CDC42BPA: variants seen among roughly 807,000 people sequenced by gnomAD.
The protein encoded by CDC42BPA is serine/threonine-protein kinase MRCK alpha.
Under a neutral mutation model 223.5 loss-of-function variants are expected in CDC42BPA, and 80 were observed. The observed-to-expected ratio is 0.36, with a 90% CI of 0.30 to 0.43. The LOEUF (loss-of-function observed/expected upper bound fraction) is 0.43. Ranked by LOEUF, CDC42BPA falls within the 20% of genes least tolerant of loss-of-function variation. The pLI, the probability that CDC42BPA is intolerant of heterozygous loss-of-function variation, is 1.00. For missense variants in CDC42BPA, 1,743 were observed against 2,099.9 expected (o/e 0.83, Z 3.32); for synonymous variants, 694 against 718.6 (o/e 0.97, Z 0.55).
chr1:227,262,884 T>C (rs1414543628), intron 1 of CDC42BPA, among the ~76,000 whole-genome samples: 2 of 152,208 alleles, frequency 1.3e-5, no homozygotes, highest in Non-Finnish European at 2.9e-5. Context: ...GCAACTTTAA[T>C]CACAAAGAGT....
rs186541139 is a variant in CDC42BPA at position 227,130,220 on chromosome 1, C to T, written c.1391-989G>A. On this transcript the variant is annotated intron_variant, in intron 10 of 36. Coordinates refer to ENST00000366766, the MANE Select transcript of CDC42BPA (RefSeq NM_001394014.1). ...GGAGGGATTCTCACATAATAAGTCTCTCCCTTACCATAATTCTTTATGAGT... is the reference window on the plus strand; with the variant it reads ...GGAGGGATTCTCACATAATAAGTCTTTCCCTTACCATAATTCTTTATGAGT... 6.0e-3 allele frequency among the ~76,000 whole-genome samples: 909 copies of T among 152,238 alleles called. 10 individuals are homozygous for T. Among genetic ancestry groups the T allele is most frequent in the African/African-American group, 0.021 (856 of 41,544 alleles).
chr1:227,301,351 AG>A (rs1158680808), intron 1 of CDC42BPA, among the ~76,000 whole-genome samples: 1 of 150,204 alleles, frequency 6.7e-6, no homozygotes, highest in African/African-American at 2.5e-5. Context: ...GTAGGAGTAA[AG>A]GATGTAGACA....
chr1:227,141,413 T>A (rs1482003658), intron 9 of CDC42BPA, among the ~76,000 whole-genome samples: 1 of 151,962 alleles, frequency 6.6e-6, no homozygotes, highest in Non-Finnish European at 1.5e-5. Flanking sequence ...AAGAAAAAAA[T>A]TCATGACATG....
chr1:227,151,207 T>C (rs1661689053), intron 6 of CDC42BPA, among the ~76,000 whole-genome samples: 1 of 152,196 alleles, frequency 6.6e-6, no homozygotes, highest in Admixed American at 6.5e-5. Context: ...TTTGTTTCTT[T>C]GAACTTGATT....
chr1:227,047,001 TTTTA>T (rs1672585890), intron 23 of CDC42BPA, among the ~76,000 whole-genome samples: 1 of 152,152 alleles, frequency 6.6e-6, no homozygotes, highest in African/African-American at 2.4e-5. Context: ...ATATTTTTCC[TTTTA>T]TTTATAAACC....
intron 10 of CDC42BPA, among the ~76,000 whole-genome samples, chr1:227,129,443 G>A (rs1259752890): frequency 6.6e-6 from 1 of 151,776 alleles, no homozygotes; most frequent in Admixed American, 6.6e-5. Flanking sequence ...CAAAGTGGGA[G>A]GATCACTTGA....
intron 21 of CDC42BPA, among the ~76,000 whole-genome samples, chr1:227,055,134 T>G (rs1674289045): frequency 6.6e-6 from 1 of 151,974 alleles, no homozygotes; most frequent in African/African-American, 2.4e-5. Context: ...GGACAAAGCT[T>G]GGTAAAGGTG....
intron 6 of CDC42BPA, among the ~76,000 whole-genome samples, chr1:227,153,102 T>C (rs1015176738): frequency 6.6e-6 from 1 of 151,794 alleles, no homozygotes; most frequent in African/African-American, 2.4e-5. Flanking sequence ...AGTTAACACA[T>C]TTACCATCAT....
At chr1:227,168,526 C>T (rs1665530314) in intron 5 of CDC42BPA, among the ~76,000 whole-genome samples, 2 of 16,378 alleles carry the variant, frequency 1.2e-4, no homozygotes, top group Admixed American at 5.0e-4. Flanking sequence ...GGCAGAGTCT[C>T]GCTCTGTCAC....
intron 20 of CDC42BPA, 64 bp downstream of exon 20, chr1:227,072,144 T>C: frequency 4.5e-6 from 4 of 896,998 alleles, no homozygotes; most frequent in Non-Finnish European, 6.9e-6. Context: ...TTGATTCTTC[T>C]GTAATAAAAT....
intron 35 of CDC42BPA, among the ~76,000 whole-genome samples, chr1:227,003,547 C>T (rs562845490): frequency 1.3e-4 from 20 of 152,170 alleles, no homozygotes; most frequent in Admixed American, 1.0e-3. Flanking sequence ...GTGAATTTGA[C>T]GGGAGTAAAA....
intron 1 of CDC42BPA, among the ~76,000 whole-genome samples, chr1:227,256,938 TATATATACAGAC>T (rs1291772006): frequency 7.9e-4 from 95 of 120,084 alleles, no homozygotes; most frequent in African/African-American, 2.6e-3. Flanking sequence ...AAATGTGATA[TATATATACAGAC>T]ACACACACAC....
intron 23 of CDC42BPA, among the ~76,000 whole-genome samples, chr1:227,043,568 CTAAGT>C (rs1225510653): frequency 6.6e-6 from 1 of 151,866 alleles, no homozygotes; most frequent in African/African-American, 2.4e-5. Context: ...GTGCAACAAA[CTAAGT>C]TAATATTTAA....
chr1:227,074,200 T>G (rs926767300), intron 18 of CDC42BPA, 59 bp downstream of exon 18: 10 of 1,423,446 alleles, frequency 7.0e-6, no homozygotes, highest in Non-Finnish European at 9.8e-6. Context: ...TATTATAGTG[T>G]TTTTTAAATC....
chr1:226,994,387 G>C lies in CDC42BPA; in HGVS notation c.5146C>G (p.Pro1716Ala). The part of the protein sequence containing the change: ...RDFDGEDSDS[P>A]RHSTASNSSN... The stretch of plus-strand genomic sequence containing the variant: ...CTGTTGGAAGCTGTGGAATGCCTCG[G>C]AGAGTCAGAGTCCTGTAAGGCCCAA... The change falls in exon 37 of 37, where the codon CCG (proline) becomes GCG (alanine). Residue 1716 changes from proline (P) to alanine (A), a missense_variant. By Grantham distance (27) the Pro-to-Ala change is conservative. Coordinates refer to ENST00000366766, the MANE Select transcript of CDC42BPA (RefSeq NM_001394014.1). The surrounding 1 kb of genome is among the most constrained non-coding windows in gnomAD (Gnocchi z 4.0). 1 of 1,562,662 alleles carries C rather than the reference G, an allele frequency of 6.4e-7. No homozygotes were observed. The highest frequency in any genetic ancestry group is 1.2e-5 in the South Asian group (1 of 84,516).
chr1:227,043,975 T>C (rs1671907013), intron 23 of CDC42BPA, among the ~76,000 whole-genome samples: 2 of 152,168 alleles, frequency 1.3e-5, no homozygotes, highest in South Asian at 2.1e-4. Flanking sequence ...ACTTCCAGTA[T>C]CCACGTGTGA....
rs922947962 is a variant in CDC42BPA at position 226,991,556 on chromosome 1, G to A, written c.*2712C>T. The A allele has an allele frequency of 4.6e-5, 7 of 152,114 alleles. No homozygotes were observed. The highest frequency in any genetic ancestry group is 8.8e-5 in the Non-Finnish European group (6 of 68,020). 9.4% of individuals were successfully genotyped at this position (152,114 alleles called of 1,614,324 possible). ...AAAGCCCTGCTTTTAGAATCTGCAC[G>A]CATTCGGGACTGCTCTATTATGACT... is the stretch of plus-strand genomic sequence containing the variant. On this transcript the variant is annotated 3_prime_UTR_variant, in exon 37 of 37. Coordinates refer to ENST00000366766, the MANE Select transcript of CDC42BPA (RefSeq NM_001394014.1).
At chr1:227,135,034 G>C (rs1259305450) in intron 10 of CDC42BPA, among the ~76,000 whole-genome samples, 1 of 152,186 alleles carries the variant, frequency 6.6e-6, no homozygotes, top group African/African-American at 2.4e-5. Flanking sequence ...GTGAGCCAGG[G>C]AAGTGAGGCA....
At chr1:227,303,647 T>C (rs1028816595) in intron 1 of CDC42BPA, among the ~76,000 whole-genome samples, 3 of 152,178 alleles carry the variant, frequency 2.0e-5, no homozygotes, top group African/African-American at 7.2e-5. Flanking sequence ...CTTCTGAAGA[T>C]TCTGCCAAGT....
Sources: allele counts gnomAD v4.1 joint callset (sites outside exome capture counted in the v4.1 genomes callset), GRCh38; gene constraint gnomAD v4.1.1; non-coding constraint Gnocchi (gnomAD v3.1); transcripts MANE v1.5; gene names NCBI Gene and HGNC (gene_info 2026-07-23, HGNC 2026-07-21).